SGCZ: variants seen among roughly 807,000 people sequenced by gnomAD.
The protein encoded by SGCZ is zeta-sarcoglycan.
In SGCZ, 40 loss-of-function variants were observed where a neutral mutation model predicts 41.3. The ratio of observed to expected loss-of-function variants is 0.97; its 90% CI spans 0.75 to 1.26. SGCZ has a LOEUF of 1.26. Among genes scored for constraint, SGCZ ranks in the 50% most tolerant of loss-of-function variants. The probability of loss-of-function intolerance (pLI) is 0.00; values close to 1 mark genes in which losing one functional copy is unlikely to be tolerated. For synonymous variants in SGCZ, 206 were observed against 137.5 expected, an observed-to-expected ratio of 1.50 and a Z score of -3.49; for missense variants, 552 against 369.8, an observed-to-expected ratio of 1.49 and a Z score of -4.04.
intron 2 of SGCZ, among the ~76,000 whole-genome samples, chr8:14,398,178 G>A (rs929068673): frequency 1.4e-4 from 21 of 152,128 alleles, no homozygotes; most frequent in African/African-American, 5.1e-4. Context: ...GTGCCTGATA[G>A]ACCTGAATTC....
chr8:14,500,822 G>A (rs546334198), intron 2 of SGCZ, among the ~76,000 whole-genome samples: 132 of 152,054 alleles, frequency 8.7e-4, no homozygotes, highest in African/African-American at 3.1e-3. Context: ...AGTTAGTGGA[G>A]TTTTTCTGGT....
At chr8:14,784,059 T>G (rs1198697648) in intron 1 of SGCZ, among the ~76,000 whole-genome samples, 5 of 149,828 alleles carry the variant, frequency 3.3e-5, no homozygotes, top group Non-Finnish European at 7.4e-5. Context: ...TAATGTTTTT[T>G]TTTTTTTTTG....
At chr8:14,408,317 A>G (rs1799266179) in intron 2 of SGCZ, among the ~76,000 whole-genome samples, 1 of 152,128 alleles carries the variant, frequency 6.6e-6, no homozygotes, top group Non-Finnish European at 1.5e-5. Context: ...ATCTACTCAA[A>G]CAAAAACAGC....
chr8:14,619,340 A>G (rs188806312), intron 1 of SGCZ, among the ~76,000 whole-genome samples: 4,321 of 152,234 alleles, frequency 0.028, 126 homozygotes, highest in African/African-American at 0.079. Context: ...ATCATACTGA[A>G]TGGGCAAAAA....
At chr8:14,740,717 G>A (rs1387044483) in intron 1 of SGCZ, among the ~76,000 whole-genome samples, 1 of 151,840 alleles carries the variant, frequency 6.6e-6, no homozygotes, top group Non-Finnish European at 1.5e-5. Flanking sequence ...GATCACAAAG[G>A]GGAATAAAAT....
chr8:14,676,640 A>T (rs1408682604), intron 1 of SGCZ, among the ~76,000 whole-genome samples: 1 of 152,180 alleles, frequency 6.6e-6, no homozygotes, highest in Non-Finnish European at 1.5e-5. Context: ...GATGTGTGGC[A>T]TTAGAAAAAT....
At chr8:14,414,875 T>G (rs371763624) in intron 2 of SGCZ, among the ~76,000 whole-genome samples, 1 of 152,022 alleles carries the variant, frequency 6.6e-6, no homozygotes, top group Admixed American at 6.6e-5. Context: ...GAAGTTTTAA[T>G]GTGAGTGGTA....
intron 3 of SGCZ, among the ~76,000 whole-genome samples, chr8:14,316,863 CT>C (rs1196446771): frequency 6.7e-6 from 1 of 148,798 alleles, no homozygotes; most frequent in African/African-American, 2.5e-5. Context: ...ACGCCCTGCA[CT>C]TCCAACATGA....
intron 1 of SGCZ, among the ~76,000 whole-genome samples, chr8:14,910,178 C>T (rs1799241405): frequency 7.0e-6 from 1 of 143,554 alleles, no homozygotes; most frequent in Non-Finnish European, 1.5e-5. Context: ...TCTTCAAAAC[C>T]AGTAACATAT....
At chr8:14,732,817 T>A (rs1346154807) in intron 1 of SGCZ, among the ~76,000 whole-genome samples, 1 of 151,862 alleles carries the variant, frequency 6.6e-6, no homozygotes, top group African/African-American at 2.4e-5. Context: ...CTTTTGTCTT[T>A]AAAAAAAAGA....
chr8:15,087,091 T>A (rs186806544), intron 1 of SGCZ, among the ~76,000 whole-genome samples: 1 of 152,082 alleles, frequency 6.6e-6, no homozygotes, highest in African/African-American at 2.4e-5. Flanking sequence ...GTAAATCACA[T>A]ACCCTCTCCG....
chr8:14,150,992 A>G (rs1005645102), intron 5 of SGCZ, among the ~76,000 whole-genome samples: 1 of 152,154 alleles, frequency 6.6e-6, no homozygotes, highest in African/African-American at 2.4e-5. Context: ...GTACTCATGA[A>G]CATAGTAAAA....
intron 4 of SGCZ, among the ~76,000 whole-genome samples, chr8:14,193,063 A>G (rs1805156030): frequency 6.6e-6 from 1 of 151,882 alleles, no homozygotes; most frequent in African/African-American, 2.4e-5. Flanking sequence ...TGTGTCTATG[A>G]AAGACTGTAT....
At chr8:14,251,696 T>C (rs1799292194) in intron 3 of SGCZ, among the ~76,000 whole-genome samples, 1 of 152,170 alleles carries the variant, frequency 6.6e-6, no homozygotes, top group African/African-American at 2.4e-5. Context: ...TGCATAGTAT[T>C]AGACTTGCAT....
chr8:14,718,901 G>C (rs1353665290), intron 1 of SGCZ, among the ~76,000 whole-genome samples: 1 of 144,872 alleles, frequency 6.9e-6, no homozygotes, highest in African/African-American at 2.6e-5. Flanking sequence ...TGTGCACCAT[G>C]TGCAGGTTAG....
chr8:14,682,209 A>G (rs1808469706), intron 1 of SGCZ, among the ~76,000 whole-genome samples: 1 of 152,096 alleles, frequency 6.6e-6, no homozygotes, highest in African/African-American at 2.4e-5. Context: ...TACAATGGGA[A>G]ATACAGGAAA....
intron 2 of SGCZ, among the ~76,000 whole-genome samples, chr8:14,544,863 G>A (rs186330595): frequency 6.6e-6 from 1 of 152,132 alleles, no homozygotes; most frequent in Admixed American, 6.6e-5. Context: ...TTTGCCCTTT[G>A]TCCTGTTCCC....
chr8:15,051,943 G>A (rs1438041228), intron 1 of SGCZ, among the ~76,000 whole-genome samples: 1 of 152,054 alleles, frequency 6.6e-6, no homozygotes, highest in East Asian at 1.9e-4. Context: ...AGGCTGCAGT[G>A]GAAAAGAGGA....
chr8:15,079,168 C>A (rs984512827), intron 1 of SGCZ, among the ~76,000 whole-genome samples: 17 of 152,216 alleles, frequency 1.1e-4, no homozygotes, highest in African/African-American at 4.1e-4. Context: ...GATTCTCACA[C>A]CTGTTTTAGT....
Sources: allele counts gnomAD v4.1 joint callset (sites outside exome capture counted in the v4.1 genomes callset), GRCh38; gene constraint gnomAD v4.1.1; transcripts MANE v1.5; gene names NCBI Gene and HGNC (gene_info 2026-07-23, HGNC 2026-07-21).